The following MAPKAP1 variants were observed in gnomAD, a reference collection of about 807,000 sequenced individuals.
The protein encoded by MAPKAP1 is MAPK associated protein 1.
Under a neutral mutation model 65.7 loss-of-function variants are expected in MAPKAP1, and 20 were observed. The ratio of observed to expected loss-of-function variants is 0.30; its 90% CI spans 0.21 to 0.44. The LOEUF is 0.44. Ranked by LOEUF, MAPKAP1 falls within the 20% of genes least tolerant of loss-of-function variation. The pLI is 1.00. For synonymous variants in MAPKAP1, 222 were observed against 244.3 expected (o/e 0.91, Z 0.85); for missense variants, 423 against 648.0 (o/e 0.65, Z 3.77).
At chr9:125,632,081 G>A (rs1178990647) in intron 4 of MAPKAP1, among the ~76,000 whole-genome samples, 16 of 152,074 alleles carry the variant, frequency 1.1e-4, no homozygotes, top group Admixed American at 1.0e-3. Context: ...AATTAGCCAG[G>A]CATGGTGGCA....
chr9:125,689,509 G>A (rs1024863886), intron 1 of MAPKAP1, among the ~76,000 whole-genome samples: 1 of 150,234 alleles, frequency 6.7e-6, no homozygotes, highest in African/African-American at 2.5e-5. Flanking sequence ...CACTTTGGGA[G>A]GCTTAAGGAG....
At chr9:125,663,551 T>C (rs952189219) in intron 3 of MAPKAP1, among the ~76,000 whole-genome samples, 2 of 152,176 alleles carry the variant, frequency 1.3e-5, no homozygotes, top group Non-Finnish European at 2.9e-5. Context: ...CAATCGAATA[T>C]AAGCCCCATG....
chr9:125,624,687 T>C, intron 4 of MAPKAP1, among the ~76,000 whole-genome samples: 1 of 67,800 alleles, frequency 1.5e-5, no homozygotes, highest in African/African-American at 5.4e-5. Flanking sequence ...CGGCCGCCCC[T>C]ACTGGGAAGT....
At chr9:125,549,711 G>A (rs1171742112) in intron 6 of MAPKAP1, among the ~76,000 whole-genome samples, 3 of 152,096 alleles carry the variant, frequency 2.0e-5, no homozygotes, top group African/African-American at 2.4e-5. Flanking sequence ...TGCCAAATCC[G>A]GTCATGCCTG....
chr9:125,536,534 A>T (rs1339853750), intron 7 of MAPKAP1, among the ~76,000 whole-genome samples: 1 of 152,232 alleles, frequency 6.6e-6, no homozygotes. Context: ...AATTTTCTGC[A>T]GAATTTACTG....
At chr9:125,655,615 T>C (rs1834013612) in intron 4 of MAPKAP1, among the ~76,000 whole-genome samples, 1 of 152,244 alleles carries the variant, frequency 6.6e-6, no homozygotes, top group African/African-American at 2.4e-5. Context: ...ATATGTACAG[T>C]ACAATATCCT....
At chr9:125,552,892 T>C (rs758820232) in intron 6 of MAPKAP1, among the ~76,000 whole-genome samples, 8 of 152,176 alleles carry the variant, frequency 5.3e-5, no homozygotes, top group Non-Finnish European at 7.4e-5. Context: ...ACACTGTCTC[T>C]AAAAATTTTT....
intron 6 of MAPKAP1, among the ~76,000 whole-genome samples, chr9:125,546,388 T>C (rs1392265293): frequency 3.9e-5 from 6 of 152,080 alleles, no homozygotes; most frequent in African/African-American, 1.4e-4. Context: ...CTACAGCGCT[T>C]TGGGGGGAGA....
intron 4 of MAPKAP1, among the ~76,000 whole-genome samples, chr9:125,651,734 G>T (rs963981436): frequency 6.6e-6 from 1 of 152,204 alleles, no homozygotes; most frequent in Non-Finnish European, 1.5e-5. Flanking sequence ...AAGCCCTGGA[G>T]AACTCTTACT....
intron 5 of MAPKAP1, among the ~76,000 whole-genome samples, chr9:125,570,823 T>C (rs562781344): frequency 6.6e-6 from 1 of 152,272 alleles, no homozygotes; most frequent in East Asian, 1.9e-4. Flanking sequence ...TGTGAACATA[T>C]TGGCTAAAGT....
chr9:125,680,217 C>T (rs961229821), intron 1 of MAPKAP1, among the ~76,000 whole-genome samples: 2 of 151,728 alleles, frequency 1.3e-5, no homozygotes, highest in African/African-American at 4.8e-5. Flanking sequence ...TTATTTTCCA[C>T]AACAAGGAAT....
At chr9:125,481,973 TAC>T (rs1854334502) in intron 9 of MAPKAP1, among the ~76,000 whole-genome samples, 1 of 150,514 alleles carries the variant, frequency 6.6e-6, no homozygotes, top group South Asian at 2.1e-4. Context: ...CTACTAAAAA[TAC>T]AAAAACATTA....
intron 7 of MAPKAP1, among the ~76,000 whole-genome samples, chr9:125,519,672 A>ATATAT (rs3051234): frequency 6.8e-6 from 1 of 147,342 alleles, no homozygotes. Context: ...ATATATATAT[A>ATATAT]ATTTAAAAAA....
At chr9:125,659,150 T>C (rs750801450) in intron 3 of MAPKAP1, among the ~76,000 whole-genome samples, 13 of 152,232 alleles carry the variant, frequency 8.5e-5, no homozygotes, top group Non-Finnish European at 1.8e-4. Flanking sequence ...CTGTAATCTA[T>C]TACCACTTTC....
intron 7 of MAPKAP1, among the ~76,000 whole-genome samples, chr9:125,539,208 T>C (rs1830167979): frequency 6.6e-6 from 1 of 152,228 alleles, no homozygotes; most frequent in Non-Finnish European, 1.5e-5. Flanking sequence ...TGAATGTCAC[T>C]AGGCTTATTA....
intron 8 of MAPKAP1, 144 bp downstream of exon 8, chr9:125,506,166 T>C (rs1250721322): frequency 2.8e-6 from 2 of 705,480 alleles, no homozygotes; most frequent in African/African-American, 3.5e-5. Flanking sequence ...GGATATACTT[T>C]GGCACGAAGA....
At chr9:125,516,100 T>C (rs1297926073) in intron 7 of MAPKAP1, among the ~76,000 whole-genome samples, 1 of 152,232 alleles carries the variant, frequency 6.6e-6, no homozygotes, top group Non-Finnish European at 1.5e-5. Flanking sequence ...GACTTACATC[T>C]GACCCAGCAG....
In MAPKAP1 at chr9:125,531,881, AT is replaced by A. The variant is rs1453463676; in HGVS notation, c.958+11177del. 2.0e-5 allele frequency among the ~76,000 whole-genome samples: 3 copies of A among 152,188 alleles called. No individual in the cohort carries two copies. In the East Asian group the frequency reaches 5.8e-4, roughly 29 times the overall value. On this transcript the variant is annotated intron_variant, in intron 7 of 11. Transcript: ENST00000265960. ...CATACATAGCATTAACTGAAGCTCA[AT>A]ATTTGTTTAAGATTTTCTTTTTACT...
intron 6 of MAPKAP1, among the ~76,000 whole-genome samples, chr9:125,551,043 A>G (rs898468908): frequency 1.3e-5 from 2 of 152,238 alleles, no homozygotes; most frequent in Admixed American, 6.5e-5. Context: ...TGAATTGCGT[A>G]TAAGAAACTT....
Sources: allele counts gnomAD v4.1 joint callset (sites outside exome capture counted in the v4.1 genomes callset), GRCh38; gene constraint gnomAD v4.1.1; transcripts MANE v1.5; gene names NCBI Gene and HGNC (gene_info 2026-07-23, HGNC 2026-07-21).